The following PTPRM variants were observed in gnomAD, a reference collection of about 807,000 sequenced individuals.
PTPRM encodes protein tyrosine phosphatase receptor type M, also known as receptor-type tyrosine-protein phosphatase mu.
PTPRM carries 47 observed loss-of-function variants against 186.7 expected under a neutral mutation model. The observed-to-expected ratio is 0.25, with a 90% CI of 0.20 to 0.32. The LOEUF (loss-of-function observed/expected upper bound fraction) is 0.32, where lower values mean the gene tolerates loss of function less well. PTPRM is among the 10% of genes least tolerant of loss of function. The pLI, the probability that PTPRM is intolerant of heterozygous loss-of-function variation, is 1.00. For synonymous variants in PTPRM, 668 were observed against 674.9 expected (o/e 0.99, Z 0.16); for missense variants, 1,494 against 1,865.0 (o/e 0.80, Z 3.66).
At chr18:8,019,391 T>G (rs1486574175) in intron 7 of PTPRM, among the ~76,000 whole-genome samples, 1 of 152,198 alleles carries the variant, frequency 6.6e-6, no homozygotes, top group Non-Finnish European at 1.5e-5. Flanking sequence ...TTGGCCCTTG[T>G]GGGAACATAT....
intron 19 of PTPRM, among the ~76,000 whole-genome samples, chr18:8,257,565 A>T (rs557424244): frequency 6.6e-6 from 1 of 152,314 alleles, no homozygotes; most frequent in East Asian, 1.9e-4. Flanking sequence ...TTACTTTAAA[A>T]GTTCCTGTTG....
At chr18:8,116,767 A>G (rs1006262139) in intron 13 of PTPRM, among the ~76,000 whole-genome samples, 6 of 152,222 alleles carry the variant, frequency 3.9e-5, no homozygotes, top group African/African-American at 1.4e-4. Flanking sequence ...TCCATCAGCT[A>G]GATTTCATCA....
intron 7 of PTPRM, among the ~76,000 whole-genome samples, chr18:8,064,548 G>A (rs764057810): frequency 7.2e-5 from 11 of 152,050 alleles, no homozygotes; most frequent in Non-Finnish European, 1.3e-4. Context: ...CTATTAATGT[G>A]ATATCTATGA....
chr18:7,892,011 A>G (rs995105854), intron 3 of PTPRM, among the ~76,000 whole-genome samples: 3 of 152,194 alleles, frequency 2.0e-5, no homozygotes, highest in African/African-American at 7.2e-5. Context: ...CCTTTCCCAA[A>G]GTAGGGAAGA....
At chr18:8,331,634 A>G (rs1299146909) in intron 22 of PTPRM, among the ~76,000 whole-genome samples, 1 of 152,256 alleles carries the variant, frequency 6.6e-6, no homozygotes, top group African/African-American at 2.4e-5. Context: ...TAACCCTAGT[A>G]TAATGTATAC....
chr18:7,677,521 C>A (rs607891), intron 1 of PTPRM, among the ~76,000 whole-genome samples: 2 of 152,054 alleles, frequency 1.3e-5, no homozygotes, highest in East Asian at 3.9e-4. Flanking sequence ...CCTTAGAAGG[C>A]CCTTACTTCT....
chr18:8,145,821 A>G (rs1025211437), intron 14 of PTPRM, among the ~76,000 whole-genome samples: 2 of 152,184 alleles, frequency 1.3e-5, no homozygotes. Context: ...ATGGTAGAAC[A>G]ATTTATAATC....
intron 4 of PTPRM, among the ~76,000 whole-genome samples, chr18:7,925,600 G>A (rs778649752): frequency 2.6e-5 from 4 of 152,066 alleles, no homozygotes; most frequent in East Asian, 1.9e-4. Context: ...CTGGCAAGGC[G>A]TGACAGATGC....
At chr18:7,920,636 CA>C (rs2050807362) in intron 4 of PTPRM, among the ~76,000 whole-genome samples, 1 of 152,170 alleles carries the variant, frequency 6.6e-6, no homozygotes, top group Non-Finnish European at 1.5e-5. Flanking sequence ...TTGCACACCA[CA>C]GCTGCAGTGT....
chr18:8,394,335 T>C, intron 31 of PTPRM, 141 bp from the exon 32 acceptor site: 1 of 870,480 alleles, frequency 1.1e-6, no homozygotes, highest in Non-Finnish European at 1.6e-6. Flanking sequence ...TAAAAGAATC[T>C]GCCCAGGTAA....
rs762526727 is a variant in PTPRM, at chr18:8,384,544, A to G, written c.3919-17A>G. 22 of 1,613,742 alleles carry G rather than the reference A, an allele frequency of 1.4e-5. No homozygotes were observed. The highest frequency in any genetic ancestry group is 1.2e-4 in the South Asian group (11 of 91,050). Reference sequence around the variant, plus strand: ...TCCTCTTATAACTAACCTTGTGTTTATATGTTTTGAATTCAGTTGTGTCCA... The same window carrying G: ...TCCTCTTATAACTAACCTTGTGTTTGTATGTTTTGAATTCAGTTGTGTCCA... On this transcript the variant is annotated splice_polypyrimidine_tract_variant and intron_variant, in intron 29 of 32. Transcript: ENST00000580170.
At chr18:8,264,649 G>T (rs2094677711) in intron 19 of PTPRM, among the ~76,000 whole-genome samples, 1 of 151,818 alleles carries the variant, frequency 6.6e-6, no homozygotes, top group Non-Finnish European at 1.5e-5. Context: ...CGCACCTGTA[G>T]TCCCAGCTAC....
At chr18:8,397,812 G>C (rs1442186204) in intron 32 of PTPRM, among the ~76,000 whole-genome samples, 1 of 152,176 alleles carries the variant, frequency 6.6e-6, no homozygotes, top group Non-Finnish European at 1.5e-5. Flanking sequence ...AAGTTCCCAG[G>C]GCTCTGTTTT....
chr18:7,857,929 AAG>A (rs1362977807), intron 2 of PTPRM, among the ~76,000 whole-genome samples: 1 of 152,188 alleles, frequency 6.6e-6, no homozygotes, highest in Admixed American at 6.5e-5. Context: ...AAAGTAGAGA[AAG>A]AGCTTACTTT....
chr18:7,801,626 A>G (rs1385969062), intron 2 of PTPRM, among the ~76,000 whole-genome samples: 4 of 152,210 alleles, frequency 2.6e-5, no homozygotes, highest in East Asian at 1.9e-4. Flanking sequence ...ACCTTTATCA[A>G]GTATTATGTA....
At chr18:8,035,872 T>C (rs923801651) in intron 7 of PTPRM, among the ~76,000 whole-genome samples, 1 of 152,198 alleles carries the variant, frequency 6.6e-6, no homozygotes, top group Non-Finnish European at 1.5e-5. Context: ...ACCCTGTTTT[T>C]TAAAAATTGA....
At chr18:8,070,585 A>G (rs943388717) in intron 8 of PTPRM, among the ~76,000 whole-genome samples, 1 of 152,200 alleles carries the variant, frequency 6.6e-6, no homozygotes, top group East Asian at 1.9e-4. Flanking sequence ...GTCACCAGTA[A>G]CGCATCAAAA....
intron 5 of PTPRM, among the ~76,000 whole-genome samples, chr18:7,938,578 A>C (rs754956845): frequency 6.6e-6 from 1 of 152,194 alleles, no homozygotes; most frequent in Non-Finnish European, 1.5e-5. Context: ...GGGATATTTG[A>C]TTTTAAGACC....
chr18:8,050,038 G>A (rs2087365411), intron 7 of PTPRM, among the ~76,000 whole-genome samples: 1 of 152,114 alleles, frequency 6.6e-6, no homozygotes. Context: ...TTGCAACTAA[G>A]AAGGAATAGT....
Sources: allele counts gnomAD v4.1 joint callset (sites outside exome capture counted in the v4.1 genomes callset), GRCh38; gene constraint gnomAD v4.1.1; transcripts MANE v1.5; gene names NCBI Gene and HGNC (gene_info 2026-07-23, HGNC 2026-07-21).